Variants in PPM1B observed in about 807,000 individuals in gnomAD.
PPM1B encodes protein phosphatase 1B.
PPM1B carries 22 observed loss-of-function variants against 43.0 expected under a neutral mutation model. The observed-to-expected ratio is 0.51, with a 90% CI of 0.37 to 0.73. The LOEUF is 0.73. Among genes scored for constraint, PPM1B ranks in the 30% least tolerant of loss-of-function variants. PPM1B has a pLI of 0.00. For missense variants in PPM1B, 632 were observed against 584.2 expected, an observed-to-expected ratio of 1.08 and a Z score of -0.84; for synonymous variants, 217 against 197.9, an observed-to-expected ratio of 1.10 and a Z score of -0.81.
intron 3 of PPM1B, among the ~76,000 whole-genome samples, chr2:44,212,883 G>A (rs1669543510): frequency 1.3e-5 from 2 of 151,800 alleles, no homozygotes; most frequent in East Asian, 3.9e-4. Flanking sequence ...CGTGGTGGTG[G>A]GCGCCTGTAG....
rs1258511746 is a variant in PPM1B, at chr2:44,176,451, G to A, written c.-15+7177G>A. Among the ~76,000 whole-genome samples, 4 of 152,126 alleles carry A rather than the reference G, an allele frequency of 2.6e-5. No homozygotes were observed. In the East Asian group the frequency reaches 7.7e-4, roughly 29 times the overall value. ...GGCTAATGGAGCCAATTTGTCTCTTGGTTTATTGTGCACAACTTGGTCTAT... is the reference window on the plus strand; with the variant it reads ...GGCTAATGGAGCCAATTTGTCTCTTAGTTTATTGTGCACAACTTGGTCTAT... On this transcript the variant is annotated intron_variant, in intron 1 of 5. Coordinates refer to ENST00000282412, the MANE Select transcript of PPM1B (RefSeq NM_002706.6).
chr2:44,232,258 A>G (rs192564924), downstream of PPM1B: 2,434 of 1,572,300 alleles, frequency 1.5e-3, 2 homozygotes, highest in Non-Finnish European at 1.9e-3. Context: ...TTGAAATTCA[A>G]TCCAATCTGG....
At chr2:44,229,043 A>G (rs1439835165) in intron 5 of PPM1B, among the ~76,000 whole-genome samples, 5 of 151,962 alleles carry the variant, frequency 3.3e-5, no homozygotes, top group East Asian at 1.9e-4. Flanking sequence ...TTAGCCGGGC[A>G]TGGTGTCACA....
At chr2:44,233,237 G>A (rs1670519476), downstream of PPM1B, 1 of 897,682 alleles carries the variant, frequency 1.1e-6, no homozygotes, top group Non-Finnish European at 1.3e-6. Context: ...TATTTTAAAA[G>A]CTCAGAATAT....
At chr2:44,219,263 A>T (rs150288115) in intron 5 of PPM1B, 3 of 148,654 alleles carry the variant, frequency 2.0e-5, no homozygotes, top group Non-Finnish European at 4.5e-5. Flanking sequence ...TCAAGTTTTT[A>T]TGTCTAAAAA....
rs1274801655 is a variant in PPM1B at position 44,230,895 on chromosome 2, T to C, written c.*177T>C. ...TACACCTTTATGAGATAGTGTAAAA[T>C]TGACTATTTATAGTACTATGGATTT... On this transcript the variant is annotated 3_prime_UTR_variant, in exon 6 of 6. Transcript: ENST00000282412. The C allele has an allele frequency of 3.0e-6, 4 of 1,347,258 alleles. No homozygotes were observed. The highest frequency in any genetic ancestry group is 1.5e-5 in the African/African-American group (1 of 67,624). The allele number at this position is 1,347,258 out of a possible 1,614,324, so 83.5% of individuals were successfully genotyped here. A position where few individuals can be genotyped will look rare whatever the true frequency, so the allele number is the denominator to read the frequency against.
At chr2:44,224,507 G>A (rs1670127581) in intron 5 of PPM1B, among the ~76,000 whole-genome samples, 1 of 146,662 alleles carries the variant, frequency 6.8e-6, no homozygotes, top group South Asian at 2.2e-4. Context: ...TGTTTCAAAA[G>A]ATAAATATTG....
intron 2 of PPM1B, among the ~76,000 whole-genome samples, chr2:44,207,769 GAC>G (rs533181185): frequency 7.1e-4 from 108 of 151,960 alleles, no homozygotes; most frequent in African/African-American, 2.4e-3. Flanking sequence ...TTTTTGAAGA[GAC>G]AAGGTTTTGC....
At chr2:44,220,263 C>CATATATATATATATAT (rs146623821) in intron 5 of PPM1B, among the ~76,000 whole-genome samples, 2 of 146,936 alleles carry the variant, frequency 1.4e-5, no homozygotes, top group African/African-American at 5.0e-5. Context: ...TTTAAAAATA[C>CATATATATATATATAT]ATATATATAT....
At chr2:44,233,941 A>T (rs185468522), downstream of PPM1B, 5 of 985,318 alleles carry the variant, frequency 5.1e-6, no homozygotes, top group Non-Finnish European at 6.0e-6. Context: ...TTTATCGTTC[A>T]AACTGTCCAC....
At position 44,213,499 on chromosome 2, in the gene PPM1B, A is replaced by G. The variant is rs149919929; in HGVS notation, c.964+4172A>G. 2.0e-5 allele frequency among the ~76,000 whole-genome samples: 3 copies of G among 152,086 alleles called. No individual in the cohort carries two copies. The East Asian group carries it at 5.8e-4, about 29-fold the overall frequency. On this transcript the variant is annotated intron_variant, in intron 3 of 5. Coordinates refer to ENST00000282412, the MANE Select transcript of PPM1B (RefSeq NM_002706.6). ...CCACAGTAATTGGTGAGAGTTTTGA[A>G]GTGTGAAGATGTGTGATTTCTAATA... is the stretch of plus-strand genomic sequence containing the variant.
intron 3 of PPM1B, among the ~76,000 whole-genome samples, chr2:44,217,197 T>G (rs1331988155): frequency 2.0e-5 from 3 of 151,714 alleles, no homozygotes; most frequent in Non-Finnish European, 2.9e-5. Context: ...GTTGGGAGTT[T>G]GAGATCAGCC....
rs1668954362 is a variant in PPM1B at position 44,201,845 on chromosome 2, A to G, written c.646A>G (p.Thr216Ala). The change falls in exon 2 of 6, where the codon ACA (threonine) becomes GCA (alanine). Residue 216 changes from threonine to alanine, a missense_variant. Transcript: ENST00000282412. This position sits in a 1 kb window ranked among gnomAD's most constrained non-coding sequence, Gnocchi z 5.4. ...CAAGTGTGTTGATGGCAAGGGCCCA[A>G]CAGAACAACTTGTTTCTCCAGAGCC... ...DYKCVDGKGPTEQLVSPEPEV... is the reference protein window; with the variant it reads ...DYKCVDGKGPAEQLVSPEPEV... 4 of 1,614,118 alleles carry G rather than the reference A, an allele frequency of 2.5e-6. No homozygotes were observed. The highest frequency in any genetic ancestry group is 1.7e-5 in the Admixed American group (1 of 60,010).
downstream of PPM1B, among the ~76,000 whole-genome samples, chr2:44,234,938 T>G (rs557784227): frequency 2.0e-5 from 3 of 152,202 alleles, no homozygotes; most frequent in Non-Finnish European, 4.4e-5. Flanking sequence ...ACTGAATTCT[T>G]GTTTGTGCTT....
At chr2:44,244,462 A>G, downstream of PPM1B, 1 of 993,546 alleles carries the variant, frequency 1.0e-6, no homozygotes, top group Non-Finnish European at 1.3e-6. Context: ...TGCCCTTCAA[A>G]ATCATATTTT....
chr2:44,171,033 G>T (rs1667316146), intron 1 of PPM1B, among the ~76,000 whole-genome samples: 1 of 151,926 alleles, frequency 6.6e-6, no homozygotes, highest in African/African-American at 2.4e-5. Context: ...TTCTGCAGTG[G>T]TTCTTTTTGT....
At chr2:44,212,588 T>C (rs1259744602) in intron 3 of PPM1B, among the ~76,000 whole-genome samples, 2 of 152,202 alleles carry the variant, frequency 1.3e-5, no homozygotes, top group Admixed American at 1.3e-4. Context: ...TAATTGCTGA[T>C]ATGTTTGAGT....
At chr2:44,179,198 C>T (rs1329486394) in intron 1 of PPM1B, among the ~76,000 whole-genome samples, 1 of 152,192 alleles carries the variant, frequency 6.6e-6, no homozygotes, top group Non-Finnish European at 1.5e-5. Context: ...CCTGCTTCTC[C>T]TTGCCTTCAG....
chr2:44,191,830 T>C (rs768296413), intron 1 of PPM1B, among the ~76,000 whole-genome samples: 1 of 152,170 alleles, frequency 6.6e-6, no homozygotes, highest in Non-Finnish European at 1.5e-5. Context: ...TTTTTCCCCT[T>C]TTTTCCCTCT....
Sources: gnomAD v4.1 joint callset for allele counts (sites outside exome capture counted in the v4.1 genomes callset) on GRCh38, gnomAD v4.1.1 for gene constraint, Gnocchi (gnomAD v3.1) non-coding constraint, MANE v1.5 for transcripts, NCBI Gene and HGNC (gene_info 2026-07-23, HGNC 2026-07-21) for gene names.